The following PALM2AKAP2 variants were observed in gnomAD, a reference collection of about 807,000 sequenced individuals.
PALM2AKAP2 encodes the protein PALM2 and AKAP2 fusion.
A neutral mutation model predicts 71.5 loss-of-function variants in PALM2AKAP2; 37 were observed. That is an observed-to-expected ratio of 0.52 (90% confidence interval 0.40 to 0.68). The LOEUF is 0.68. Ranked by LOEUF, PALM2AKAP2 falls within the 30% of genes least tolerant of loss-of-function variation. PALM2AKAP2 has a pLI of 0.00. For synonymous variants in PALM2AKAP2, 468 were observed against 478.8 expected, an observed-to-expected ratio of 0.98 and a Z score of 0.29; for missense variants, 1,224 against 1,191.8, an observed-to-expected ratio of 1.03 and a Z score of -0.40.
At chr9:109,654,782 T>C (rs1027467616) in intron 1 of PALM2AKAP2, among the ~76,000 whole-genome samples, 5 of 151,922 alleles carry the variant, frequency 3.3e-5, no homozygotes, top group African/African-American at 7.3e-5. Context: ...TGTGTGTATA[T>C]GTATTAAACT....
intron 3 of PALM2AKAP2, 60 bp from the exon 10 acceptor site, chr9:110,162,034 G>A: frequency 1.3e-6 from 2 of 1,593,264 alleles, no homozygotes; most frequent in East Asian, 4.5e-5. Context: ...CCCGGCTAGG[G>A]GGTGTTCTGT....
chr9:109,950,773 A>C (rs1831619210), intron 6 of PALM2AKAP2, among the ~76,000 whole-genome samples: 1 of 150,736 alleles, frequency 6.6e-6, no homozygotes, highest in Admixed American at 6.7e-5. Context: ...AGCTGTGAAC[A>C]CTGCTGTCAT....
intron 1 of PALM2AKAP2, among the ~76,000 whole-genome samples, chr9:109,784,213 G>A (rs1005660342): frequency 1.3e-5 from 2 of 152,170 alleles, no homozygotes; most frequent in Non-Finnish European, 2.9e-5. Flanking sequence ...AGAAAGGCAC[G>A]GTGTGAAATA....
At chr9:109,903,927 A>C (rs750830618) in intron 3 of PALM2AKAP2, among the ~76,000 whole-genome samples, 4 of 152,198 alleles carry the variant, frequency 2.6e-5, no homozygotes, top group Non-Finnish European at 4.4e-5. Flanking sequence ...CATTCTCTGG[A>C]AAATCAGTTT....
intron 1 of PALM2AKAP2, among the ~76,000 whole-genome samples, chr9:109,839,276 G>GCA (rs1828582863): frequency 6.6e-6 from 1 of 152,070 alleles, no homozygotes; most frequent in African/African-American, 2.4e-5. Flanking sequence ...CAGAACCAAA[G>GCA]ACAAAAACCA....
intron 1 of PALM2AKAP2, among the ~76,000 whole-genome samples, chr9:109,703,427 C>T (rs991756648): frequency 1.5e-4 from 22 of 151,374 alleles, no homozygotes; most frequent in African/African-American, 5.1e-4. Context: ...TATTGCATAC[C>T]CAGTATGTTT....
At chr9:109,752,763 A>G (rs10980026) in intron 1 of PALM2AKAP2, among the ~76,000 whole-genome samples, 46,294 of 151,994 alleles carry the variant, frequency 0.3, 7,201 homozygotes, top group Middle Eastern at 0.4. Context: ...TTCATTTTGA[A>G]AGGATTACTC....
intron 1 of PALM2AKAP2, among the ~76,000 whole-genome samples, chr9:109,810,834 C>A (rs1048251524): frequency 6.6e-6 from 1 of 152,088 alleles, no homozygotes; most frequent in Non-Finnish European, 1.5e-5. Context: ...GCATCGAGTG[C>A]ACAAATAGAG....
intron 1 of PALM2AKAP2, among the ~76,000 whole-genome samples, chr9:110,134,051 C>T (rs968585200): frequency 1.3e-5 from 2 of 152,148 alleles, no homozygotes; most frequent in African/African-American, 4.8e-5. Flanking sequence ...CTCTGGGAGG[C>T]CAAGGCTGGA....
At position 109,742,131 on chromosome 9, in the gene PALM2AKAP2, A is replaced by T. The variant is rs946261373; in HGVS notation, c.6-38357A>T. 5.3e-5 allele frequency among the ~76,000 whole-genome samples: 8 copies of T among 152,348 alleles called. No individual in the cohort carries two copies. In the East Asian group the frequency reaches 1.3e-3, roughly 26 times the overall value. ...CCATAATCAATGAAAGAATGAATGA[A>T]TGAATTCCAGCAAATGACATAACTT... On this transcript the variant is annotated intron_variant, in intron 1 of 6. Transcript: ENST00000374531.
intron 2 of PALM2AKAP2, among the ~76,000 whole-genome samples, chr9:110,146,142 C>T (rs933388333): frequency 2.0e-5 from 3 of 152,044 alleles, no homozygotes; most frequent in South Asian, 4.1e-4. Flanking sequence ...TTGTTATCCA[C>T]CTGCCTCGGC....
intron 3 of PALM2AKAP2, among the ~76,000 whole-genome samples, chr9:109,887,875 C>T (rs190694761): frequency 3.3e-5 from 5 of 152,192 alleles, no homozygotes; most frequent in Non-Finnish European, 7.3e-5. Flanking sequence ...ATTACACTAA[C>T]GTGCACCTCG....
At chr9:109,854,716 A>G (rs900777739) in intron 1 of PALM2AKAP2, among the ~76,000 whole-genome samples, 5 of 150,508 alleles carry the variant, frequency 3.3e-5, no homozygotes, top group Non-Finnish European at 3.0e-5. Flanking sequence ...TAAAAATGAT[A>G]TAATACTGAA....
chr9:109,850,672 A>G (rs944282468), intron 1 of PALM2AKAP2, among the ~76,000 whole-genome samples: 5 of 152,208 alleles, frequency 3.3e-5, no homozygotes, highest in African/African-American at 1.2e-4. Flanking sequence ...TAAAGCCCAG[A>G]CTTTGAAGAG....
chr9:110,009,586 C>T (rs528782672), intron 6 of PALM2AKAP2, among the ~76,000 whole-genome samples: 121 of 151,894 alleles, frequency 8.0e-4, no homozygotes, highest in African/African-American at 2.8e-3. Context: ...TGGTAGCGGG[C>T]GCCTGTAGTC....
intron 2 of PALM2AKAP2, among the ~76,000 whole-genome samples, chr9:110,144,021 A>G (rs1372892408): frequency 1.3e-5 from 2 of 152,216 alleles, no homozygotes; most frequent in Admixed American, 6.5e-5. Context: ...TTTCCCCTTC[A>G]TTATCTGCAA....
At chr9:110,051,396 A>G (rs1833706868) in intron 1 of PALM2AKAP2, among the ~76,000 whole-genome samples, 1 of 152,242 alleles carries the variant, frequency 6.6e-6, no homozygotes, top group Admixed American at 6.5e-5. Flanking sequence ...CTAACATTAA[A>G]TATTACTTCC....
chr9:109,819,556 C>T (rs1220412645), intron 1 of PALM2AKAP2, among the ~76,000 whole-genome samples: 1 of 152,034 alleles, frequency 6.6e-6, no homozygotes, highest in African/African-American at 2.4e-5. Context: ...TTTCTTTTAC[C>T]TTATCATGGA....
At chr9:110,017,020 C>G (rs771712600) in intron 7 of PALM2AKAP2, among the ~76,000 whole-genome samples, 1 of 152,096 alleles carries the variant, frequency 6.6e-6, no homozygotes, top group Non-Finnish European at 1.5e-5. Context: ...GCTGGGACTA[C>G]AGGCGCCAGC....
Sources: allele counts gnomAD v4.1 joint callset (sites outside exome capture counted in the v4.1 genomes callset), GRCh38; gene constraint gnomAD v4.1.1; transcripts MANE v1.5; gene names NCBI Gene and HGNC (gene_info 2026-07-23, HGNC 2026-07-21).